The following PGM2L1 variants were observed in gnomAD, a reference collection of about 807,000 sequenced individuals.
PGM2L1 encodes phosphoglucomutase 2 like 1, also known as glucose 1,6-bisphosphate synthase.
Under a neutral mutation model 73.4 loss-of-function variants are expected in PGM2L1, and 35 were observed. That is an observed-to-expected ratio of 0.48 (90% CI 0.36 to 0.63). The LOEUF is 0.63. Ranked by LOEUF, PGM2L1 falls within the 30% of genes least tolerant of loss-of-function variation. The pLI, the probability that PGM2L1 is intolerant of heterozygous loss-of-function variation, is 0.00. For missense variants in PGM2L1, 570 were observed against 742.0 expected (o/e 0.77, Z 2.69); for synonymous variants, 225 against 253.8 (o/e 0.89, Z 1.08).
At chr11:74,370,081 C>G (rs1394872054) in intron 4 of PGM2L1, among the ~76,000 whole-genome samples, 1 of 152,060 alleles carries the variant, frequency 6.6e-6, no homozygotes, top group Non-Finnish European at 1.5e-5. Flanking sequence ...AAATAAAGTA[C>G]TTTAGTTATC....
At chr11:74,353,335 A>AT (rs560297384) in intron 5 of PGM2L1, among the ~76,000 whole-genome samples, 287 of 147,982 alleles carry the variant, frequency 1.9e-3, no homozygotes, top group Non-Finnish European at 3.0e-3. Flanking sequence ...TTAAATGTAA[A>AT]TTTTTTTTTT....
intron 5 of PGM2L1, among the ~76,000 whole-genome samples, chr11:74,361,667 G>A (rs1565440208): frequency 6.6e-6 from 1 of 152,142 alleles, no homozygotes; most frequent in Non-Finnish European, 1.5e-5. Context: ...TTAGACGACT[G>A]GCTAACTAGA....
Position 74,374,591 on chromosome 11 carries a change from A to T in PGM2L1, c.112-9T>A, listed in dbSNP as rs755519929. On this transcript the variant is annotated splice_polypyrimidine_tract_variant and intron_variant, in intron 1 of 13. Transcript: ENST00000298198. ...TCTTTTGTTTTGGGATTCTATAAAA[A>T]AGAAGTATTAAAACTTAACCAGGAA... 1 of 1,611,770 alleles carries T rather than the reference A, an allele frequency of 6.2e-7. No homozygotes were observed. Among genetic ancestry groups the T allele is most frequent in the South Asian group, 1.1e-5 (1 of 90,960 alleles).
chr11:74,371,604 T>C, intron 3 of PGM2L1, 107 bp downstream of exon 3: 1 of 803,790 alleles, frequency 1.2e-6, no homozygotes, highest in Admixed American at 2.3e-5. Flanking sequence ...TGATCACATT[T>C]CTATCTGACA....
rs1862354119 is a variant in PGM2L1, at chr11:74,351,558, C to T, written c.574G>A (p.Ala192Thr). Residue 192 changes from alanine (A) to threonine (T), a missense_variant, in exon 6 of 14, where the codon GCT becomes ACT. Transcript: ENST00000298198. ...NGYKVYWETG[A>T]QITSPHDKEI... ...TTATCATGAGGAGATGTGATCTGAG[C>T]ACCAGTTTCCCAGTAAACCTAGATG... The T allele has an allele frequency of 1.2e-6, 2 of 1,603,284 alleles. No individual in the cohort carries two copies. Among genetic ancestry groups the T allele is most frequent in the Non-Finnish European group, 1.7e-6 (2 of 1,176,170 alleles).
intron 5 of PGM2L1, among the ~76,000 whole-genome samples, chr11:74,365,618 T>C (rs1862643286): frequency 6.6e-6 from 1 of 152,220 alleles, no homozygotes; most frequent in East Asian, 1.9e-4. Flanking sequence ...AAAATGCTCA[T>C]CATCACTGGC....
At chr11:74,348,696 C>CGGAG (rs1862304784) in intron 6 of PGM2L1, among the ~76,000 whole-genome samples, 1 of 152,094 alleles carries the variant, frequency 6.6e-6, no homozygotes, top group Admixed American at 6.5e-5. Flanking sequence ...TGTAAATGTT[C>CGGAG]CTCCCTTCCT....
chr11:74,352,401 A>G (rs1056059747), intron 5 of PGM2L1, among the ~76,000 whole-genome samples: 2 of 152,238 alleles, frequency 1.3e-5, no homozygotes, highest in Non-Finnish European at 2.9e-5. Flanking sequence ...TAATGTGTTA[A>G]TTATCCATAT....
intron 5 of PGM2L1, among the ~76,000 whole-genome samples, chr11:74,363,256 T>G (rs897521052): frequency 3.5e-4 from 54 of 152,176 alleles, no homozygotes; most frequent in African/African-American, 1.2e-3. Flanking sequence ...AGAGGGAAAT[T>G]TATAGCACTA....
At chr11:74,383,601 C>T (rs1370163520) in intron 1 of PGM2L1, among the ~76,000 whole-genome samples, 5 of 151,848 alleles carry the variant, frequency 3.3e-5, no homozygotes, top group Non-Finnish European at 7.4e-5. Flanking sequence ...TCTCCCTCCC[C>T]ACGCCTCCCA....
At chr11:74,366,706 G>A (rs1269310389) in intron 5 of PGM2L1, among the ~76,000 whole-genome samples, 1 of 152,050 alleles carries the variant, frequency 6.6e-6, no homozygotes, top group Non-Finnish European at 1.5e-5. Context: ...TGTTGGAGGA[G>A]CTGGAGAACA....
intron 1 of PGM2L1, among the ~76,000 whole-genome samples, chr11:74,382,064 AT>A (rs978156291): frequency 2.0e-5 from 3 of 152,030 alleles, no homozygotes; most frequent in Non-Finnish European, 4.4e-5. Context: ...ACAAGATACC[AT>A]TTTTTCACCC....
intron 1 of PGM2L1, among the ~76,000 whole-genome samples, chr11:74,396,837 T>G (rs1034576186): frequency 1.3e-5 from 2 of 152,246 alleles, no homozygotes; most frequent in African/African-American, 4.8e-5. Context: ...GTTTAGACTG[T>G]AGAGGAAGAA....
At chr11:74,397,673 T>C (rs896916297) in intron 1 of PGM2L1, 1 of 164,564 alleles carries the variant, frequency 6.1e-6, no homozygotes, top group African/African-American at 2.4e-5. Context: ...CTTTCAGGTA[T>C]GTGGAGAAGG....
intron 1 of PGM2L1, among the ~76,000 whole-genome samples, chr11:74,395,549 C>CCTTTTTTTTTTTTTT (rs1218218679): frequency 1.5e-5 from 1 of 64,918 alleles, no homozygotes; most frequent in Non-Finnish European, 2.5e-5. Flanking sequence ...CCTCGCCTGG[C>CCTTTTTTTTTTTTTT]TTTTTTTTTT....
chr11:74,383,489 T>C (rs1172845904), intron 1 of PGM2L1, among the ~76,000 whole-genome samples: 1 of 152,100 alleles, frequency 6.6e-6, no homozygotes, highest in East Asian at 1.9e-4. Context: ...CAGATACATG[T>C]GCCAGTTACA....
chr11:74,356,369 T>C (rs1433558753), intron 5 of PGM2L1, among the ~76,000 whole-genome samples: 1 of 152,162 alleles, frequency 6.6e-6, no homozygotes, highest in Non-Finnish European at 1.5e-5. Flanking sequence ...CAGATAAAAT[T>C]ATAAACAGGA....
intron 1 of PGM2L1, among the ~76,000 whole-genome samples, chr11:74,385,610 T>C (rs1863006947): frequency 6.6e-6 from 1 of 152,142 alleles, no homozygotes; most frequent in African/African-American, 2.4e-5. Context: ...AATAAGATAA[T>C]ATCTATATTT....
chr11:74,392,200 AAAG>A (rs1175116783), intron 1 of PGM2L1, among the ~76,000 whole-genome samples: 1 of 152,210 alleles, frequency 6.6e-6, no homozygotes, highest in Non-Finnish European at 1.5e-5. Flanking sequence ...AAACTGAGGA[AAAG>A]AAGAGGCAGT....
Sources: allele counts gnomAD v4.1 joint callset (sites outside exome capture counted in the v4.1 genomes callset), GRCh38; gene constraint gnomAD v4.1.1; transcripts MANE v1.5; gene names NCBI Gene and HGNC (gene_info 2026-07-23, HGNC 2026-07-21).